The following BANP variants were observed in gnomAD, a reference collection of about 807,000 sequenced individuals.
BANP encodes the protein protein BANP.
In BANP, 11 loss-of-function variants were observed where a neutral mutation model predicts 68.1. The observed-to-expected ratio is 0.16, with a 90% CI of 0.10 to 0.27. The LOEUF (loss-of-function observed/expected upper bound fraction) is 0.27. Among genes scored for constraint, BANP ranks in the 10% least tolerant of loss-of-function variants. BANP has a pLI of 1.00. For synonymous variants in BANP, 329 were observed against 303.2 expected (o/e 1.09, Z -0.88); for missense variants, 504 against 722.7 (o/e 0.70, Z 3.47).
chr16:88,007,784 C>T (rs577416426), intron 6 of BANP, among the ~76,000 whole-genome samples: 1 of 152,082 alleles, frequency 6.6e-6, no homozygotes, highest in South Asian at 2.1e-4. Context: ...TTGCTTTTAC[C>T]TCTAATACAA....
chr16:88,076,787 C>T lies in BANP; in HGVS notation c.*126C>T, dbSNP rs927361892. 2.7e-6 allele frequency: 2 copies of T among 740,246 alleles called. No individual in the cohort carries two copies. Among genetic ancestry groups the T allele is most frequent in the African/African-American group, 1.8e-5 (1 of 56,024 alleles). 45.9% of individuals were successfully genotyped at this position (740,246 alleles called of 1,614,324 possible). A position where few individuals can be genotyped will look rare whatever the true frequency, so the allele number is the denominator to read the frequency against. On this transcript the variant is annotated 3_prime_UTR_variant, in exon 14 of 14. Coordinates refer to ENST00000682872, the MANE Select transcript of BANP (RefSeq NM_001386991.1). ...GTTCTGCTGAAGTGCGTCTGAAGGC[C>T]GCTGCCTCCGCGGGGAACAGCATCC...
chr16:87,971,094 A>C (rs11645662), intron 1 of BANP, among the ~76,000 whole-genome samples: 53,128 of 151,736 alleles, frequency 0.35, 10,551 homozygotes, highest in Non-Finnish European at 0.47. Flanking sequence ...TTAGTTTTTG[A>C]AAATTGCTCA....
chr16:88,019,378 C>G (rs2075352424), intron 7 of BANP, among the ~76,000 whole-genome samples: 1 of 152,052 alleles, frequency 6.6e-6, no homozygotes, highest in Non-Finnish European at 1.5e-5. Flanking sequence ...CAGCAGCAAA[C>G]GCAAGAGACA....
intron 11 of BANP, among the ~76,000 whole-genome samples, chr16:88,059,105 G>C (rs986982309): frequency 1.3e-5 from 2 of 151,456 alleles, no homozygotes; most frequent in Non-Finnish European, 2.9e-5. Context: ...TCCTGCTGGT[G>C]TGCTGAGGTC....
intron 11 of BANP, among the ~76,000 whole-genome samples, chr16:88,061,723 TG>T (rs1339205728): frequency 2.0e-5 from 3 of 151,724 alleles, no homozygotes; most frequent in Non-Finnish European, 2.9e-5. Flanking sequence ...TGGAGTGCAA[TG>T]GCACGATCTC....
Position 88,060,360 on chromosome 16 carries a change from G to C in BANP, c.1312-4907G>C, listed in dbSNP as rs186434194. Among the ~76,000 whole-genome samples the C allele has an allele frequency of 3.1e-3, 472 of 152,344 alleles. 1 individual carries two copies. The highest frequency in any genetic ancestry group is 0.011 in the African/African-American group (452 of 41,576). On this transcript the variant is annotated intron_variant, in intron 11 of 13. Coordinates refer to ENST00000682872, the MANE Select transcript of BANP (RefSeq NM_001386991.1). ...TCAGTGTGGGGCTGAGATTGGAAAG[G>C]CTGGCCCACCCTCTGTTTAAAAGCC... is the stretch of plus-strand genomic sequence containing the variant.
At chr16:87,973,489 G>C (rs1006222858) in intron 1 of BANP, among the ~76,000 whole-genome samples, 1 of 152,136 alleles carries the variant, frequency 6.6e-6, no homozygotes, top group Non-Finnish European at 1.5e-5. Flanking sequence ...GGCCGGGCGC[G>C]GTGGCTCACG....
In BANP at chr16:88,006,656, A is replaced by AG. The variant is rs1485699345; in HGVS notation, c.655+391_655+392insG. ...GAAACTCCATCTCAAAAAAAAAAAA[A>AG]AAGTGATACAGTATAGGACAGGCTC... On this transcript the variant is annotated intron_variant, in intron 6 of 13. Coordinates refer to ENST00000682872, the MANE Select transcript of BANP (RefSeq NM_001386991.1). Among the ~76,000 whole-genome samples the AG allele has an allele frequency of 4.0e-5, 6 of 150,710 alleles. No individual in the cohort carries two copies. The East Asian group carries it at 1.2e-3, about 29-fold the overall frequency.
rs866916136 is a variant in BANP at position 88,054,012 on chromosome 16, T to C, written c.1312-11255T>C. 8.6e-3 allele frequency among the ~76,000 whole-genome samples: 293 copies of C among 34,194 alleles called. No homozygotes were observed. In the Middle Eastern group the frequency reaches 0.086, roughly 10 times the overall value. The allele number at this position is 34,194 out of a possible 152,430, so 22.4% of individuals were successfully genotyped here. A position where few individuals can be genotyped will look rare whatever the true frequency, so the allele number is the denominator to read the frequency against. On this transcript the variant is annotated intron_variant, in intron 11 of 13. Coordinates refer to ENST00000682872, the MANE Select transcript of BANP (RefSeq NM_001386991.1). ...TCACCATCACCAACACAACCACCTTTACCACCACCACCACCTCTACCACTG... is the reference window on the plus strand; with the variant it reads ...TCACCATCACCAACACAACCACCTTCACCACCACCACCACCTCTACCACTG...
At chr16:87,970,883 G>T (rs2060980010) in intron 1 of BANP, among the ~76,000 whole-genome samples, 1 of 152,088 alleles carries the variant, frequency 6.6e-6, no homozygotes, top group South Asian at 2.1e-4. Flanking sequence ...CAGGTGTGCT[G>T]GTGGGCACCT....
At chr16:88,073,272 C>T (rs1012573347) in intron 13 of BANP, among the ~76,000 whole-genome samples, 1 of 152,340 alleles carries the variant, frequency 6.6e-6, no homozygotes, top group Non-Finnish European at 1.5e-5. Flanking sequence ...TCACCTGACG[C>T]TCACGTCTTC....
intron 13 of BANP, among the ~76,000 whole-genome samples, chr16:88,073,093 C>T (rs2090762540): frequency 6.6e-6 from 1 of 152,256 alleles, no homozygotes; most frequent in South Asian, 2.1e-4. Flanking sequence ...CCGGGCACTG[C>T]TGAGGGCAGG....
chr16:88,067,842 T>C (rs1417517559), intron 12 of BANP, among the ~76,000 whole-genome samples: 5 of 152,200 alleles, frequency 3.3e-5, no homozygotes, highest in African/African-American at 1.2e-4. Context: ...CCTGCATGGT[T>C]ACACCCTGAG....
chr16:87,984,400 A>G, intron 4 of BANP, 141 bp downstream of exon 4: 2 of 1,033,110 alleles, frequency 1.9e-6, no homozygotes, highest in Non-Finnish European at 2.8e-6. Context: ...GTTTCTAACT[A>G]AAGCTGACTT....
intron 11 of BANP, among the ~76,000 whole-genome samples, chr16:88,040,431 C>T (rs1309104612): frequency 6.6e-6 from 1 of 152,096 alleles, no homozygotes; most frequent in Non-Finnish European, 1.5e-5. Flanking sequence ...AAGCCCCGAG[C>T]AGTGCGGGGG....
At chr16:87,988,757 C>A (rs976665366) in intron 4 of BANP, among the ~76,000 whole-genome samples, 2 of 152,130 alleles carry the variant, frequency 1.3e-5, no homozygotes, top group Non-Finnish European at 2.9e-5. Flanking sequence ...TGTGACGAGG[C>A]CCCCGGAGAG....
intron 11 of BANP, among the ~76,000 whole-genome samples, chr16:88,040,269 T>C (rs2080424453): frequency 6.6e-6 from 1 of 151,836 alleles, no homozygotes; most frequent in Admixed American, 6.6e-5. Flanking sequence ...TTTTTTTTTT[T>C]TTCCATCATT....
intron 1 of BANP, among the ~76,000 whole-genome samples, chr16:87,952,002 C>T (rs751650529): frequency 7.7e-5 from 11 of 142,884 alleles, no homozygotes; most frequent in Non-Finnish European, 1.5e-4. Context: ...GCCCCATAGC[C>T]CAGGACTTGC....
intron 11 of BANP, among the ~76,000 whole-genome samples, chr16:88,041,836 C>G (rs563299769): frequency 1.3e-5 from 2 of 152,324 alleles, no homozygotes; most frequent in African/African-American, 4.8e-5. Flanking sequence ...TGAGTGTGAG[C>G]CTGCACTAAG....
Sources: allele counts gnomAD v4.1 joint callset (sites outside exome capture counted in the v4.1 genomes callset), GRCh38; gene constraint gnomAD v4.1.1; transcripts MANE v1.5; gene names NCBI Gene and HGNC (gene_info 2026-07-23, HGNC 2026-07-21).